SLC26A2: variants seen among roughly 807,000 people sequenced by gnomAD.
SLC26A2 encodes the protein sulfate transporter.
A neutral mutation model predicts 41.1 loss-of-function variants in SLC26A2; 36 were observed. That is an observed-to-expected ratio of 0.88 (90% CI 0.67 to 1.16). The LOEUF (loss-of-function observed/expected upper bound fraction) is 1.16. SLC26A2 is among the 50% of genes most tolerant of loss of function. The pLI is 0.00. For synonymous variants in SLC26A2, 291 were observed against 311.6 expected, an observed-to-expected ratio of 0.93 and a Z score of 0.70; for missense variants, 796 against 869.6, an observed-to-expected ratio of 0.92 and a Z score of 1.07.
rs1755100270 is a variant in SLC26A2 at position 149,981,470 on chromosome 5, TG to T, written c.1878del (p.Thr627LeufsTer23). ...AAGAGAAAGATCAAAGAAAAAGTAG[TG>T]ACTCTTGGTGGAATCCAGGATGAAA... ...AAKRKIKEKV[V>X]TLGGIQDEMS... On this transcript the variant is annotated frameshift_variant, in exon 3 of 3. Transcript: ENST00000286298. LOFTEE classifies it high-confidence loss of function. The T allele has an allele frequency of 6.2e-7, 1 of 1,614,166 alleles. No homozygotes were observed. Among genetic ancestry groups the T allele is most frequent in the Non-Finnish European group, 8.5e-7 (1 of 1,179,996 alleles).
At chr5:149,975,451 T>G (rs1487112015) in intron 1 of SLC26A2, among the ~76,000 whole-genome samples, 1 of 152,230 alleles carries the variant, frequency 6.6e-6, no homozygotes, top group Non-Finnish European at 1.5e-5. Flanking sequence ...TTGCATATCT[T>G]AGGTTTGGAA....
chr5:149,978,004 G>C lies in SLC26A2; in HGVS notation c.352G>C (p.Val118Leu). 2 of 1,614,172 alleles carry C rather than the reference G, an allele frequency of 1.2e-6. No homozygotes were observed. Among genetic ancestry groups the C allele is most frequent in the South Asian group, 2.2e-5 (2 of 91,090 alleles). The change falls in exon 2 of 3, where the codon GTG (valine) becomes CTG (leucine). Residue 118 changes from valine (V) to leucine (L), a missense_variant. Coordinates refer to ENST00000286298, the MANE Select transcript of SLC26A2 (RefSeq NM_000112.4). ...ILGDVMSGLI[V>L]GILLVPQSIA... ...AGGGGATGTGATGTCAGGCTTGATT[G>C]TGGGCATATTATTGGTGCCCCAGTC... is the stretch of plus-strand genomic sequence containing the variant.
intron 1 of SLC26A2, among the ~76,000 whole-genome samples, chr5:149,966,681 AT>A (rs1329150618): frequency 6.6e-6 from 1 of 152,006 alleles, no homozygotes; most frequent in African/African-American, 2.4e-5. Flanking sequence ...TCCAGTGAGC[AT>A]TTCTTTTGAG....
At chr5:149,979,418 ATTAT>A (rs1371056623) in intron 2 of SLC26A2, among the ~76,000 whole-genome samples, 2 of 152,238 alleles carry the variant, frequency 1.3e-5, no homozygotes, top group South Asian at 2.1e-4. Context: ...TTACTTATTT[ATTAT>A]TTATTCATTT....
At chr5:149,979,117 A>G (rs1755049825) in intron 2 of SLC26A2, among the ~76,000 whole-genome samples, 1 of 151,964 alleles carries the variant, frequency 6.6e-6, no homozygotes, top group African/African-American at 2.4e-5. Context: ...GGAGGGAGGG[A>G]AAAAGTTGGG....
At chr5:149,965,479 C>CA (rs55779255) in intron 1 of SLC26A2, among the ~76,000 whole-genome samples, 15,862 of 63,240 alleles carry the variant, frequency 0.25, 2,432 homozygotes, top group South Asian at 0.41. Context: ...GACTCTGTCT[C>CA]AAAAAAAAAA....
In SLC26A2 at chr5:149,981,038, TC is replaced by T; in HGVS notation, c.1447del (p.Gly484ValfsTer2). On this transcript the variant is annotated frameshift_variant, in exon 3 of 3. Coordinates refer to ENST00000286298, the MANE Select transcript of SLC26A2 (RefSeq NM_000112.4). LOFTEE classifies it high-confidence loss of function. ...TTGTTCTATTCCCTTCAAAAAAGTG[TC>T]CTTGGTGTGATCACAATTGTAAATC... ...APLFYSLQKS[V>X]LGVITIVNLR... 1 of 1,614,178 alleles carries T rather than the reference TC, an allele frequency of 6.2e-7. No individual in the cohort carries two copies. Among genetic ancestry groups the T allele is most frequent in the Non-Finnish European group, 8.5e-7 (1 of 1,180,028 alleles).
intron 1 of SLC26A2, among the ~76,000 whole-genome samples, chr5:149,971,955 T>C (rs1754912724): frequency 6.6e-6 from 1 of 152,200 alleles, no homozygotes; most frequent in Non-Finnish European, 1.5e-5. Flanking sequence ...CAGGTACCTT[T>C]GTAAGCTCCT....
rs879399576 is a variant in SLC26A2 at position 149,985,244 on chromosome 5, C to T, written c.*3431C>T. ...GACCTACTCTGGAGCACGGTGTCTT[C>T]CTTCTAAACTGAGTGACTGTAGTAC... On this transcript the variant is annotated 3_prime_UTR_variant, in exon 3 of 3. Transcript: ENST00000286298. The T allele has an allele frequency of 3.9e-5, 6 of 152,150 alleles. No homozygotes were observed. Among genetic ancestry groups the T allele is most frequent in the Non-Finnish European group, 7.3e-5 (5 of 68,036 alleles). 9.4% of individuals were successfully genotyped at this position (152,150 alleles called of 1,614,324 possible). A position where few individuals can be genotyped will look rare whatever the true frequency, so the allele number is the denominator to read the frequency against.
At position 149,985,669 on chromosome 5, in the gene SLC26A2, A is replaced by T. The variant is rs1049138767; in HGVS notation, c.*3856A>T. On this transcript the variant is annotated 3_prime_UTR_variant, in exon 3 of 3. Coordinates refer to ENST00000286298, the MANE Select transcript of SLC26A2 (RefSeq NM_000112.4). ...TCTTGAAGTTATAATGATCCATTCG[A>T]GTTCTGTGATCCTTATTGTTCTTAA... is the stretch of plus-strand genomic sequence containing the variant. The T allele has an allele frequency of 6.6e-6, 1 of 152,180 alleles. No homozygotes were observed. 9.4% of individuals were successfully genotyped at this position (152,180 alleles called of 1,614,324 possible).
At chr5:149,972,826 T>G (rs111264038) in intron 1 of SLC26A2, among the ~76,000 whole-genome samples, 67 of 152,156 alleles carry the variant, frequency 4.4e-4, no homozygotes, top group Non-Finnish European at 8.1e-4. Context: ...CTGGCTGTCT[T>G]CGTTTGTTCC....
Position 149,977,608 on chromosome 5 carries a change from T to G in SLC26A2, c.-25-20T>G, listed in dbSNP as rs777620332. 10 of 1,184,682 alleles carry G rather than the reference T, an allele frequency of 8.4e-6. No individual in the cohort carries two copies. Among genetic ancestry groups the G allele is most frequent in the Non-Finnish European group, 1.3e-5 (10 of 789,502 alleles). The allele number at this position is 1,184,682 out of a possible 1,614,324, so 73.4% of individuals were successfully genotyped here. The stretch of plus-strand genomic sequence containing the variant: ...TGAGAATTACTTTATTGATGAACAC[T>G]GGTATTTTCTCTGGTGTAGGAAGCT... On this transcript the variant is annotated intron_variant, in intron 1 of 2. Coordinates refer to ENST00000286298, the MANE Select transcript of SLC26A2 (RefSeq NM_000112.4).
Position 149,980,708 on chromosome 5 carries a change from A to G in SLC26A2, c.1115A>G (p.Lys372Arg), listed in dbSNP as rs770371218. Residue 372 changes from lysine (K) to arginine (R), a missense_variant, in exon 3 of 3, where the codon AAA (lysine) becomes AGA (arginine). Transcript: ENST00000286298. ...GHIPTGFMPP[K>R]VPEWNLIPSV... is the part of the protein sequence containing the mutation. ...ATTCCCACTGGGTTTATGCCACCCA[A>G]AGTACCAGAATGGAACCTAATTCCT... is the stretch of plus-strand genomic sequence containing the variant. 5 of 1,614,054 alleles carry G rather than the reference A, an allele frequency of 3.1e-6. No homozygotes were observed. In the South Asian group the frequency reaches 3.3e-5, roughly 11 times the overall value.
At chr5:149,964,922 A>T (rs546581264) in intron 1 of SLC26A2, among the ~76,000 whole-genome samples, 1 of 152,226 alleles carries the variant, frequency 6.6e-6, no homozygotes, top group African/African-American at 2.4e-5. Context: ...TGTAGGTTCA[A>T]TAAAGTGTTT....
chr5:149,971,049 G>T (rs1249004287), intron 1 of SLC26A2, among the ~76,000 whole-genome samples: 1 of 152,222 alleles, frequency 6.6e-6, no homozygotes, highest in East Asian at 1.9e-4. Context: ...GACACTTGAG[G>T]ACATTAATGG....
At chr5:149,964,199 T>G (rs1007370795) in intron 1 of SLC26A2, among the ~76,000 whole-genome samples, 3 of 152,130 alleles carry the variant, frequency 2.0e-5, no homozygotes, top group African/African-American at 7.2e-5. Context: ...TTTAAAAATG[T>G]AGGTTCAGGC....
chr5:149,967,881 C>A (rs1468524909), intron 1 of SLC26A2, among the ~76,000 whole-genome samples: 3 of 152,158 alleles, frequency 2.0e-5, no homozygotes, highest in Middle Eastern at 6.8e-3. Context: ...TCCCAAAGTG[C>A]TGGGATTATA....
chr5:149,975,907 C>A (rs1170364510), intron 1 of SLC26A2, among the ~76,000 whole-genome samples: 1 of 152,154 alleles, frequency 6.6e-6, no homozygotes, highest in Non-Finnish European at 1.5e-5. Flanking sequence ...CCTGTTATCC[C>A]AGCACTTTGG....
At chr5:149,980,264 A>G (rs763269208) in intron 2 of SLC26A2, 29 bp from the exon 3 acceptor site, 6 of 1,571,404 alleles carry the variant, frequency 3.8e-6, no homozygotes, top group South Asian at 1.1e-5. Context: ...TTCCATTTAT[A>G]TTTAACACTT....
Sources: allele counts gnomAD v4.1 joint callset (sites outside exome capture counted in the v4.1 genomes callset), GRCh38; gene constraint gnomAD v4.1.1; transcripts MANE v1.5; gene names NCBI Gene and HGNC (gene_info 2026-07-23, HGNC 2026-07-21).